Variants in SLC22A23 observed in about 807,000 individuals in gnomAD.
SLC22A23 encodes solute carrier family 22 member 23.
Under a neutral mutation model 61.0 loss-of-function variants are expected in SLC22A23, and 26 were observed. That is an observed-to-expected ratio of 0.43 (90% CI 0.31 to 0.59). SLC22A23 has a LOEUF of 0.59. Ranked by LOEUF, SLC22A23 falls within the 20% of genes least tolerant of loss-of-function variation. The pLI, the probability that SLC22A23 is intolerant of heterozygous loss-of-function variation, is 0.11. For synonymous variants in SLC22A23, 430 were observed against 413.9 expected (o/e 1.04, Z -0.47); for missense variants, 796 against 934.7 (o/e 0.85, Z 1.94).
intron 1 of SLC22A23, among the ~76,000 whole-genome samples, chr6:3,447,583 CTT>C (rs757788904): frequency 9.7e-5 from 11 of 113,390 alleles, no homozygotes; most frequent in Non-Finnish European, 1.2e-4. Flanking sequence ...AAGAAACTTT[CTT>C]TTTTTTTTTT....
At chr6:3,422,382 A>T (rs903060913) in intron 1 of SLC22A23, among the ~76,000 whole-genome samples, 3 of 151,940 alleles carry the variant, frequency 2.0e-5, no homozygotes, top group Non-Finnish European at 4.4e-5. Flanking sequence ...CAAAAGAAAC[A>T]CCCTCCACAA....
At chr6:3,397,938 G>T (rs1768116482) in intron 3 of SLC22A23, among the ~76,000 whole-genome samples, 1 of 152,246 alleles carries the variant, frequency 6.6e-6, no homozygotes, top group South Asian at 2.1e-4. Flanking sequence ...GGGAGCAAAT[G>T]ACCAAGAATG....
At chr6:3,415,592 A>G (rs1581850262) in intron 2 of SLC22A23, among the ~76,000 whole-genome samples, 160 bp downstream of exon 2, 2 of 152,292 alleles carry the variant, frequency 1.3e-5, no homozygotes, top group African/African-American at 2.4e-5. Context: ...TGCATGGGCC[A>G]TTTCTCCGAG....
Position 3,410,417 on chromosome 6 carries a change from C to T in SLC22A23, c.759-75G>A. ...GACGCTAGATGCTGAAACCCGGTGT[C>T]CAGCAGGCACTCAATATATGTTGAA... On this transcript the variant is annotated intron_variant, in intron 2 of 9. Coordinates refer to ENST00000406686, the MANE Select transcript of SLC22A23 (RefSeq NM_015482.2). The surrounding 1 kb of genome is among the most constrained non-coding windows in gnomAD (Gnocchi z 5.0). 1 of 1,443,610 alleles carries T rather than the reference C, an allele frequency of 6.9e-7. No individual in the cohort carries two copies. Among genetic ancestry groups the T allele is most frequent in the Non-Finnish European group, 9.3e-7 (1 of 1,076,066 alleles). The allele number at this position is 1,443,610 out of a possible 1,614,324, so 89.4% of individuals were successfully genotyped here. A position where few individuals can be genotyped will look rare whatever the true frequency, so the allele number is the denominator to read the frequency against.
intron 1 of SLC22A23, among the ~76,000 whole-genome samples, chr6:3,416,434 G>A (rs546866119): frequency 2.0e-5 from 3 of 152,236 alleles, no homozygotes; most frequent in South Asian, 2.1e-4. Context: ...TGTCCCTTGC[G>A]TTTTCCCATG....
At chr6:3,397,164 G>A (rs553775198) in intron 3 of SLC22A23, among the ~76,000 whole-genome samples, 3 of 152,324 alleles carry the variant, frequency 2.0e-5, no homozygotes, top group East Asian at 3.9e-4. Context: ...CACCCTGCAA[G>A]GGGGACAAGG....
chr6:3,436,501 C>A (rs928299940), intron 1 of SLC22A23, among the ~76,000 whole-genome samples: 31 of 152,272 alleles, frequency 2.0e-4, no homozygotes, highest in African/African-American at 7.0e-4. Flanking sequence ...TCCTGACTGA[C>A]CCCTCAAGCT....
chr6:3,455,803 T>C, intron 1 of SLC22A23, 103 bp downstream of exon 1: 1 of 1,372,552 alleles, frequency 7.3e-7, no homozygotes, highest in Non-Finnish European at 9.6e-7. Context: ...CTACACACAC[T>C]CTAGCACCAC....
At chr6:3,282,714 G>A (rs945637211) in intron 9 of SLC22A23, among the ~76,000 whole-genome samples, 7 of 152,224 alleles carry the variant, frequency 4.6e-5, no homozygotes, top group Non-Finnish European at 5.9e-5. Context: ...ACTCCTTTAA[G>A]AAGTTCAGTG....
At chr6:3,392,768 G>A (rs75553317) in intron 3 of SLC22A23, among the ~76,000 whole-genome samples, 1 of 152,186 alleles carries the variant, frequency 6.6e-6, no homozygotes, top group African/African-American at 2.4e-5. Flanking sequence ...GAGGATGTGG[G>A]AGGAAGGAGG....
chr6:3,304,778 G>A lies in SLC22A23; in HGVS notation c.1083-6560C>T, dbSNP rs753945663. On this transcript the variant is annotated intron_variant, in intron 4 of 9. Coordinates refer to ENST00000406686, the MANE Select transcript of SLC22A23 (RefSeq NM_015482.2). This position sits in a 1 kb window ranked among gnomAD's most constrained non-coding sequence, Gnocchi z 4.3. ...CCCTCGTACTGCTGGAGGTGTGTGG[G>A]GCAGGACCCAGAGGTAAGGCATGGG... Among the ~76,000 whole-genome samples, 8 of 152,136 alleles carry A rather than the reference G, an allele frequency of 5.3e-5. No homozygotes were observed. The highest frequency in any genetic ancestry group is 1.2e-4 in the Non-Finnish European group (8 of 68,016).
At chr6:3,450,373 C>T (rs1772104130) in intron 1 of SLC22A23, among the ~76,000 whole-genome samples, 1 of 152,156 alleles carries the variant, frequency 6.6e-6, no homozygotes, top group South Asian at 2.1e-4. Flanking sequence ...GTGGAGTGAT[C>T]TCGGCTCACC....
In SLC22A23 at chr6:3,317,651, A is replaced by C. The variant is rs1175386942; in HGVS notation, c.1082+6183T>G. The stretch of plus-strand genomic sequence containing the variant: ...ACCGAGTGACAATCAATGCCTGAGC[A>C]AAATGACTAAAGATGCATTTCTCTT... On this transcript the variant is annotated intron_variant, in intron 4 of 9. Transcript: ENST00000406686. This position sits in a 1 kb window ranked among gnomAD's most constrained non-coding sequence, Gnocchi z 4.4. 6.6e-6 allele frequency among the ~76,000 whole-genome samples: 1 copy of C among 152,206 alleles called. No homozygotes were observed.
chr6:3,424,394 G>A (rs977203070), intron 1 of SLC22A23, among the ~76,000 whole-genome samples: 2 of 152,182 alleles, frequency 1.3e-5, no homozygotes, highest in Admixed American at 6.5e-5. Context: ...AAGTATGGCC[G>A]ATTTTCTGTA....
intron 3 of SLC22A23, among the ~76,000 whole-genome samples, chr6:3,380,368 T>A (rs1766879465): frequency 6.6e-6 from 1 of 152,258 alleles, no homozygotes; most frequent in African/African-American, 2.4e-5. Context: ...AATAAGGAAT[T>A]GGTAAGAAGA....
chr6:3,312,668 G>A (rs950115192), intron 4 of SLC22A23: 1 of 152,206 alleles, frequency 6.6e-6, no homozygotes, highest in African/African-American at 2.4e-5. Flanking sequence ...ATGGGCGGCT[G>A]GGTCCCCTTG....
chr6:3,331,182 T>C (rs920743904), intron 3 of SLC22A23, among the ~76,000 whole-genome samples: 2 of 152,224 alleles, frequency 1.3e-5, no homozygotes, highest in Non-Finnish European at 2.9e-5. Context: ...AGATGGGAGC[T>C]GAAGCCAGCT....
chr6:3,362,429 T>C lies in SLC22A23; in HGVS notation c.914-38427A>G, dbSNP rs9503556. Among the ~76,000 whole-genome samples the C allele has an allele frequency of 5.4e-4, 22 of 40,902 alleles. 1 individual carries two copies. The highest frequency in any genetic ancestry group is 1.8e-3 in the African/African-American group (21 of 11,404). 26.8% of individuals were successfully genotyped at this position (40,902 alleles called of 152,430 possible). A position where few individuals can be genotyped will look rare whatever the true frequency, so the allele number is the denominator to read the frequency against. ...CAAAAAAAAAAAATAAAATAAAAAA[T>C]AAAAAATAAAAATTAGCATGCATTT... On this transcript the variant is annotated intron_variant, in intron 3 of 9. Coordinates refer to ENST00000406686, the MANE Select transcript of SLC22A23 (RefSeq NM_015482.2).
intron 1 of SLC22A23, among the ~76,000 whole-genome samples, chr6:3,439,687 T>G (rs1265045100): frequency 6.6e-6 from 1 of 152,134 alleles, no homozygotes; most frequent in African/African-American, 2.4e-5. Flanking sequence ...AGCAAAACCC[T>G]TTCGCCACCT....
Sources: gnomAD v4.1 joint callset for allele counts (sites outside exome capture counted in the v4.1 genomes callset) on GRCh38, gnomAD v4.1.1 for gene constraint, Gnocchi (gnomAD v3.1) non-coding constraint, MANE v1.5 for transcripts, NCBI Gene and HGNC (gene_info 2026-07-23, HGNC 2026-07-21) for gene names.